Variants in NLRP1 observed in about 807,000 individuals in gnomAD.
The protein encoded by NLRP1 is NLR family pyrin domain containing 1.
NLRP1 carries 94 observed loss-of-function variants against 136.7 expected under a neutral mutation model. That is an observed-to-expected ratio of 0.69 (90% CI 0.58 to 0.82). The LOEUF is 0.82. Ranked by LOEUF, NLRP1 falls within the 40% of genes least tolerant of loss-of-function variation. NLRP1 has a pLI of 0.00. For synonymous variants in NLRP1, 690 were observed against 725.1 expected (o/e 0.95, Z 0.78); for missense variants, 1,575 against 1,802.7 (o/e 0.87, Z 2.29).
Position 5,558,984 on chromosome 17 carries a change from A to C in NLRP1, c.1712T>G (p.Leu571Arg), listed in dbSNP as rs1207376091. The C allele has an allele frequency of 1.2e-6, 2 of 1,614,024 alleles. No homozygotes were observed. The highest frequency in any genetic ancestry group is 2.7e-5 in the African/African-American group (2 of 74,920). Reference protein sequence around the residue: ...AQPLGPQLRDLCSLAAEGIWQ... With the variant: ...AQPLGPQLRDRCSLAAEGIWQ... The stretch of plus-strand genomic sequence containing the variant: ...GATGCCCTCAGCAGCCAGAGAGCAG[A>C]GGTCTCTGAGCTGGGGTCCCAATGG... The change falls in exon 4 of 17, where the codon CTC becomes CGC. Residue 571 changes from leucine (L) to arginine (R), a missense_variant. By Grantham distance (102) the Leu-to-Arg change is moderately radical. Transcript: ENST00000572272.
At chr17:5,527,394 T>C (rs144570304) in intron 12 of NLRP1, among the ~76,000 whole-genome samples, 13 of 152,086 alleles carry the variant, frequency 8.5e-5, no homozygotes, top group African/African-American at 3.1e-4. Context: ...CCAAAGGGAG[T>C]AAATCCTATC....
rs1567639016 is a variant in NLRP1 at position 5,530,508 on chromosome 17, G to GCACAGCTTC, written c.3484_3492dup (p.Glu1162_Val1164dup). The GCACAGCTTC allele has an allele frequency of 2.5e-5, 40 of 1,613,998 alleles. No homozygotes were observed. The highest frequency in any genetic ancestry group is 3.3e-5 in the Non-Finnish European group (39 of 1,180,040). On this transcript the variant is annotated inframe_insertion, in exon 12 of 17. Coordinates refer to ENST00000572272, the MANE Select transcript of NLRP1 (RefSeq NM_033004.4). ...TGGAGAGCCACAAAGTGAGGGAGGT[G>GCACAGCTTC]CACAGCTTCCACAGCTCCAGGCTCA... is the stretch of plus-strand genomic sequence containing the variant.
chr17:5,564,984 A>G (rs1405411120), intron 3 of NLRP1, among the ~76,000 whole-genome samples: 1 of 151,704 alleles, frequency 6.6e-6, no homozygotes, highest in Non-Finnish European at 1.5e-5. Flanking sequence ...TGATCTGCCC[A>G]CCTCGGCCTC....
chr17:5,542,889 G>T (rs947809255), intron 5 of NLRP1, among the ~76,000 whole-genome samples: 5 of 151,962 alleles, frequency 3.3e-5, no homozygotes, highest in Admixed American at 6.6e-5. Context: ...GAGTGCAGTG[G>T]CGTGATCTCG....
intron 14 of NLRP1, among the ~76,000 whole-genome samples, chr17:5,518,779 T>C (rs923237359): frequency 3.3e-5 from 5 of 151,924 alleles, no homozygotes; most frequent in African/African-American, 1.2e-4. Flanking sequence ...ATTCTCCCAC[T>C]ATGGCCTCCC....
At chr17:5,521,428 T>C in intron 13 of NLRP1, 96 bp downstream of exon 13, 1 of 1,301,944 alleles carries the variant, frequency 7.7e-7, no homozygotes, top group Non-Finnish European at 1.1e-6. Context: ...GGCCCATCCT[T>C]GGTCCCAGTT....
At chr17:5,533,455 C>A in intron 9 of NLRP1, 71 bp from the exon 10 acceptor site, 1 of 685,950 alleles carries the variant, frequency 1.5e-6, no homozygotes, top group Non-Finnish European at 2.6e-6. Flanking sequence ...ACTCAGGAGG[C>A]GGAGGTGGGA....
At chr17:5,568,271 G>C (rs1366997503) in intron 3 of NLRP1, among the ~76,000 whole-genome samples, 1 of 151,788 alleles carries the variant, frequency 6.6e-6, no homozygotes, top group Non-Finnish European at 1.5e-5. Context: ...TGTCCCTTCT[G>C]TGTATTTTCA....
intron 6 of NLRP1, among the ~76,000 whole-genome samples, chr17:5,540,035 T>A (rs7213221): frequency 1.3e-5 from 2 of 152,132 alleles, no homozygotes; most frequent in Admixed American, 1.3e-4. Flanking sequence ...TAGCAACATA[T>A]CGTTTTCCCA....
downstream of NLRP1, among the ~76,000 whole-genome samples, chr17:5,511,218 G>A (rs985236517): frequency 2.0e-5 from 3 of 151,968 alleles, no homozygotes; most frequent in Non-Finnish European, 4.4e-5. Context: ...ATCACTTGAT[G>A]CCAGGAGTTC....
At chr17:5,556,398 G>A (rs530071656) in intron 4 of NLRP1, among the ~76,000 whole-genome samples, 1 of 150,718 alleles carries the variant, frequency 6.6e-6, no homozygotes, top group African/African-American at 2.4e-5. Flanking sequence ...AGGCTGCAGT[G>A]AGCTGTGATT....
chr17:5,530,890 T>C (rs946446025), intron 11 of NLRP1, among the ~76,000 whole-genome samples, 186 bp from the exon 12 acceptor site: 2 of 152,182 alleles, frequency 1.3e-5, no homozygotes, highest in Non-Finnish European at 1.5e-5. Context: ...GAGCAAGTCA[T>C]TTAACCTTCC....
At chr17:5,530,193 A>G (rs1567638764) in intron 12 of NLRP1, 1 of 501,416 alleles carries the variant, frequency 2.0e-6, no homozygotes, top group Non-Finnish European at 3.7e-6. Flanking sequence ...TGAGCATATC[A>G]TCTCTTTCCT....
In NLRP1 at chr17:5,556,114, CT is replaced by C. The variant is rs1198196769; in HGVS notation, c.2357+2224del. Among the ~76,000 whole-genome samples the C allele has an allele frequency of 7.2e-3, 797 of 110,882 alleles. 6 individuals are homozygous for C. Among genetic ancestry groups the C allele is most frequent in the East Asian group, 0.027 (90 of 3,344 alleles). 72.7% of individuals were successfully genotyped at this position (110,882 alleles called of 152,430 possible). On this transcript the variant is annotated intron_variant, in intron 4 of 16. Transcript: ENST00000572272. ...TCTGTCTCTGTCTCTGTCTCTCTCT[CT>C]ACACACACACACACACACACACACA...
chr17:5,553,681 C>T (rs1172380687), intron 4 of NLRP1, 125 bp from the exon 5 acceptor site: 4 of 777,446 alleles, frequency 5.1e-6, no homozygotes, highest in Non-Finnish European at 8.2e-6. Context: ...GTAGTGCCAT[C>T]TCCAGTACTG....
At chr17:5,510,420 C>T (rs1331963235), downstream of NLRP1, among the ~76,000 whole-genome samples, 2 of 151,972 alleles carry the variant, frequency 1.3e-5, no homozygotes, top group African/African-American at 2.4e-5. Flanking sequence ...AGGGCAATGG[C>T]GTGATCTCGG....
chr17:5,558,286 C>A, intron 4 of NLRP1, 53 bp downstream of exon 4: 1 of 1,537,216 alleles, frequency 6.5e-7, no homozygotes, highest in South Asian at 1.3e-5. Flanking sequence ...TCAGGTCACT[C>A]GGGCTTATGG....
At chr17:5,502,284 G>T in intron 15 of NLRP1, 1 of 178,212 alleles carries the variant, frequency 5.6e-6, no homozygotes, top group Admixed American at 5.7e-5. Flanking sequence ...GTAAAATGGT[G>T]CAGTTCCTTT....
intron 9 of NLRP1, among the ~76,000 whole-genome samples, chr17:5,533,614 C>T (rs1361849355): frequency 6.9e-6 from 1 of 144,972 alleles, no homozygotes; most frequent in African/African-American, 2.6e-5. Context: ...ATTCCCAGGC[C>T]TTAGCAGCCA....
Sources: gnomAD v4.1 joint callset for allele counts (sites outside exome capture counted in the v4.1 genomes callset) on GRCh38, gnomAD v4.1.1 for gene constraint, MANE v1.5 for transcripts, NCBI Gene and HGNC (gene_info 2026-07-23, HGNC 2026-07-21) for gene names.